Variants in ASIC2 observed in about 807,000 individuals in gnomAD.
ASIC2 encodes the protein acid sensing ion channel subunit 2.
Under a neutral mutation model 57.3 loss-of-function variants are expected in ASIC2, and 25 were observed. The ratio of observed to expected loss-of-function variants is 0.44; its 90% confidence interval spans 0.32 to 0.61. The LOEUF is 0.61. Ranked by LOEUF, ASIC2 falls within the 20% of genes least tolerant of loss-of-function variation. The pLI, the probability that ASIC2 is intolerant of heterozygous loss-of-function variation, is 0.06. For synonymous variants in ASIC2, 319 were observed against 307.5 expected, an observed-to-expected ratio of 1.04 and a Z score of -0.39; for missense variants, 641 against 738.1, an observed-to-expected ratio of 0.87 and a Z score of 1.52.
chr17:33,637,084 T>C (rs1364318259), intron 1 of ASIC2, among the ~76,000 whole-genome samples: 3 of 152,266 alleles, frequency 2.0e-5, no homozygotes, highest in South Asian at 2.1e-4. Context: ...CTATGCAAGA[T>C]GATTTTTTTC....
intron 1 of ASIC2, among the ~76,000 whole-genome samples, chr17:33,134,402 GA>G (rs771428231): frequency 6.6e-6 from 1 of 152,212 alleles, no homozygotes; most frequent in East Asian, 1.9e-4. Context: ...ACACTTTGGA[GA>G]GTGAAAGCAA....
chr17:33,803,357 G>T (rs1368093488), intron 1 of ASIC2, among the ~76,000 whole-genome samples: 2 of 151,998 alleles, frequency 1.3e-5, no homozygotes, highest in East Asian at 3.9e-4. Context: ...GTGGGTGGGT[G>T]GGGGGTTTGG....
intron 1 of ASIC2, among the ~76,000 whole-genome samples, chr17:33,700,867 T>A (rs565556242): frequency 6.6e-6 from 1 of 152,156 alleles, no homozygotes; most frequent in African/African-American, 2.4e-5. Flanking sequence ...CCATCCTGAC[T>A]ACTCCCCAAA....
chr17:33,926,849 G>A (rs1915832305), intron 1 of ASIC2, among the ~76,000 whole-genome samples: 2 of 152,156 alleles, frequency 1.3e-5, no homozygotes, highest in Admixed American at 6.5e-5. Context: ...TTGTGTGCCT[G>A]CATTTTGACT....
chr17:34,054,129 T>G (rs1908674149), intron 1 of ASIC2, among the ~76,000 whole-genome samples: 1 of 152,268 alleles, frequency 6.6e-6, no homozygotes, highest in African/African-American at 2.4e-5. Context: ...GTAAATAATC[T>G]TGCATGTGCT....
At chr17:33,486,679 G>T (rs1190731345) in intron 1 of ASIC2, among the ~76,000 whole-genome samples, 1 of 152,190 alleles carries the variant, frequency 6.6e-6, no homozygotes, top group Non-Finnish European at 1.5e-5. Flanking sequence ...CAGGGCCTGA[G>T]GAGACATAAA....
Position 34,055,908 on chromosome 17 carries a change from C to T in ASIC2, c.555+100070G>A, listed in dbSNP as rs116813532. ...TACCTAGGAGTAGAATTAATTTACA[C>T]GTTTTTAAGCATTGGGAATAGAGTA... is the stretch of plus-strand genomic sequence containing the variant. On this transcript the variant is annotated intron_variant, in intron 1 of 9. Coordinates refer to the ASIC2 transcript ENST00000359872. Among the ~76,000 whole-genome samples, 1,047 of 152,136 alleles carry T rather than the reference C, an allele frequency of 6.9e-3. 18 individuals are homozygous for T. Among genetic ancestry groups the T allele is most frequent in the African/African-American group, 0.024 (978 of 41,478 alleles).
At chr17:33,873,345 T>G (rs1239669508) in intron 1 of ASIC2, among the ~76,000 whole-genome samples, 1 of 152,144 alleles carries the variant, frequency 6.6e-6, no homozygotes, top group African/African-American at 2.4e-5. Context: ...TAGCAGGAAC[T>G]AGAATGGGTG....
At chr17:33,953,585 A>T (rs996156261) in intron 1 of ASIC2, among the ~76,000 whole-genome samples, 3 of 152,164 alleles carry the variant, frequency 2.0e-5, no homozygotes, top group African/African-American at 7.2e-5. Flanking sequence ...AAATCATATA[A>T]ATCAATGCAG....
At chr17:34,148,231 T>C (rs1291179030) in intron 1 of ASIC2, among the ~76,000 whole-genome samples, 1 of 152,194 alleles carries the variant, frequency 6.6e-6, no homozygotes, top group African/African-American at 2.4e-5. Context: ...ACTTGTGCAG[T>C]AGCTTCAGTT....
chr17:33,880,617 A>G (rs1178229846), intron 1 of ASIC2, among the ~76,000 whole-genome samples: 1 of 152,248 alleles, frequency 6.6e-6, no homozygotes, highest in Non-Finnish European at 1.5e-5. Context: ...AATAATTAAT[A>G]GCTTACCAAC....
chr17:33,753,086 C>T (rs1282159512), intron 1 of ASIC2, among the ~76,000 whole-genome samples: 4 of 152,202 alleles, frequency 2.6e-5, no homozygotes, highest in Non-Finnish European at 5.9e-5. Context: ...TGGATGAATA[C>T]ACTGTGGTAC....
rs776937564 is a variant in ASIC2 at position 33,013,960 on chromosome 17, G to A, written c.*5C>T. 1.2e-5 allele frequency: 19 copies of A among 1,578,190 alleles called. No individual in the cohort carries two copies. Among genetic ancestry groups the A allele is most frequent in the Non-Finnish European group, 1.6e-5 (18 of 1,159,488 alleles). On this transcript the variant is annotated 3_prime_UTR_variant, in exon 10 of 10. Coordinates refer to ENST00000225823, the MANE Select transcript of ASIC2 (RefSeq NM_183377.2). ...TGGAGGGAGTGCTGGGTGACTCGAG[G>A]GGTGTCAGCAGGCAATCTCCTCCAA...
chr17:33,312,338 G>A (rs955220769), intron 1 of ASIC2, among the ~76,000 whole-genome samples: 1 of 152,184 alleles, frequency 6.6e-6, no homozygotes, highest in Non-Finnish European at 1.5e-5. Context: ...TGGTGTCCAG[G>A]TTTCTCTGTA....
intron 1 of ASIC2, among the ~76,000 whole-genome samples, chr17:33,732,864 C>T (rs1909790561): frequency 1.3e-5 from 2 of 152,164 alleles, no homozygotes; most frequent in African/African-American, 4.8e-5. Flanking sequence ...CCCCAAACTC[C>T]TGACCTCAAG....
chr17:33,751,002 A>T lies in ASIC2; in HGVS notation c.555+404976T>A, dbSNP rs557631742. Among the ~76,000 whole-genome samples, 134 of 152,230 alleles carry T rather than the reference A, an allele frequency of 8.8e-4. 2 individuals are homozygous for T. The highest frequency in any genetic ancestry group is 3.1e-3 in the African/African-American group (128 of 41,516). On this transcript the variant is annotated intron_variant, in intron 1 of 9. Transcript: ENST00000359872. ...TACAGATTGGGTTGCTGGGAGATGAAAGGGGGCCCCTTTTGTTATGAAAAT... is the reference window on the plus strand; with the variant it reads ...TACAGATTGGGTTGCTGGGAGATGATAGGGGGCCCCTTTTGTTATGAAAAT...
intron 1 of ASIC2, among the ~76,000 whole-genome samples, chr17:34,027,947 T>C (rs1428007569): frequency 6.6e-6 from 1 of 152,218 alleles, no homozygotes; most frequent in Non-Finnish European, 1.5e-5. Context: ...AATAACGATA[T>C]GCATTATTTT....
At chr17:33,747,473 T>C (rs1391120627) in intron 1 of ASIC2, among the ~76,000 whole-genome samples, 2 of 152,250 alleles carry the variant, frequency 1.3e-5, no homozygotes, top group African/African-American at 2.4e-5. Context: ...TCTGCCTGCC[T>C]CGGCCTCTCA....
At chr17:33,287,625 G>A (rs1905249588) in intron 1 of ASIC2, among the ~76,000 whole-genome samples, 1 of 152,184 alleles carries the variant, frequency 6.6e-6, no homozygotes, top group Non-Finnish European at 1.5e-5. Context: ...CTGCAACAAA[G>A]AGAGGAGCTG....
Sources: allele counts gnomAD v4.1 joint callset (sites outside exome capture counted in the v4.1 genomes callset), GRCh38; gene constraint gnomAD v4.1.1; transcripts MANE v1.5; gene names NCBI Gene and HGNC (gene_info 2026-07-23, HGNC 2026-07-21).